Variants in ADGRL3 observed in about 807,000 individuals in gnomAD.
ADGRL3 encodes the protein adhesion G protein-coupled receptor L3.
Under a neutral mutation model 153.5 loss-of-function variants are expected in ADGRL3, and 62 were observed. That is an observed-to-expected ratio of 0.40 (90% CI 0.33 to 0.50). ADGRL3 has a LOEUF of 0.50. ADGRL3 is among the 20% of genes least tolerant of loss of function. ADGRL3 has a pLI of 0.47. For missense variants in ADGRL3, 1,641 were observed against 1,859.4 expected (o/e 0.88, Z 2.16); for synonymous variants, 710 against 672.5 (o/e 1.06, Z -0.86).
At chr4:61,519,944 C>T (rs372997168) in intron 4 of ADGRL3, among the ~76,000 whole-genome samples, 2 of 152,250 alleles carry the variant, frequency 1.3e-5, no homozygotes, top group East Asian at 1.9e-4. Context: ...AACCTCTGTT[C>T]GTTCTGTAGA....
chr4:61,656,621 G>GT (rs1481912043), intron 5 of ADGRL3, among the ~76,000 whole-genome samples: 1 of 152,022 alleles, frequency 6.6e-6, no homozygotes, highest in African/African-American at 2.4e-5. Flanking sequence ...ATTTTGTTTT[G>GT]TTTTTTACAA....
At chr4:61,773,963 G>A (rs1200832955) in intron 8 of ADGRL3, among the ~76,000 whole-genome samples, 3 of 152,206 alleles carry the variant, frequency 2.0e-5, no homozygotes, top group Non-Finnish European at 2.9e-5. Context: ...GAGAGCTACA[G>A]TAGTTCCCCC....
chr4:62,037,636 A>G (rs746707469), intron 23 of ADGRL3, 95 bp from the exon 24 acceptor site: 24 of 1,284,864 alleles, frequency 1.9e-5, no homozygotes, highest in Non-Finnish European at 2.6e-5. Flanking sequence ...GGAAATAATT[A>G]CATTATCTAA....
intron 1 of ADGRL3, among the ~76,000 whole-genome samples, chr4:61,356,050 A>G (rs1320849614): frequency 6.6e-6 from 1 of 152,066 alleles, no homozygotes; most frequent in Non-Finnish European, 1.5e-5. Flanking sequence ...TACACATAGA[A>G]TGCAGTATTT....
chr4:62,068,155 C>T lies in ADGRL3; in HGVS notation c.3815-11C>T. On this transcript the variant is annotated splice_polypyrimidine_tract_variant and intron_variant, in intron 25 of 26. Coordinates refer to ENST00000683033, the MANE Select transcript of ADGRL3 (RefSeq NM_001387552.1). ...TGTTTTTTCTTTCCTTTTCTTCATG[C>T]TGTCGTTTAGAGCCCTACAGAGAGA... The T allele has an allele frequency of 6.4e-7, 1 of 1,556,040 alleles. No individual in the cohort carries two copies. Among genetic ancestry groups the T allele is most frequent in the Non-Finnish European group, 8.6e-7 (1 of 1,159,376 alleles).
chr4:61,833,862 G>T (rs914559921), intron 9 of ADGRL3, among the ~76,000 whole-genome samples: 1 of 152,044 alleles, frequency 6.6e-6, no homozygotes. Flanking sequence ...CTATGCCCAG[G>T]AGTGAACAGG....
intron 4 of ADGRL3, among the ~76,000 whole-genome samples, chr4:61,533,840 A>G (rs1306882622): frequency 6.6e-6 from 1 of 152,198 alleles, no homozygotes; most frequent in Non-Finnish European, 1.5e-5. Context: ...AATAACAATG[A>G]CATCAATAAG....
intron 1 of ADGRL3, among the ~76,000 whole-genome samples, chr4:61,239,299 G>A (rs1754036600): frequency 6.6e-6 from 1 of 152,094 alleles, no homozygotes; most frequent in Non-Finnish European, 1.5e-5. Context: ...ATTTTATAGA[G>A]ATGCTAAATA....
At chr4:61,399,188 T>G (rs1416761119) in intron 2 of ADGRL3, among the ~76,000 whole-genome samples, 1 of 151,736 alleles carries the variant, frequency 6.6e-6, no homozygotes, top group Admixed American at 6.6e-5. Context: ...AAGTAAAAAT[T>G]TTTTATGTCA....
intron 5 of ADGRL3, among the ~76,000 whole-genome samples, chr4:61,607,808 G>A (rs2099038471): frequency 6.6e-6 from 1 of 152,130 alleles, no homozygotes; most frequent in Admixed American, 6.5e-5. Flanking sequence ...TTCAGCCCCT[G>A]AACAAGGAAG....
In ADGRL3 at chr4:61,924,154, A is replaced by C. The variant is rs556746905; in HGVS notation, c.2113-10686A>C. Among the ~76,000 whole-genome samples, 4 of 152,192 alleles carry C rather than the reference A, an allele frequency of 2.6e-5. No individual in the cohort carries two copies. The East Asian group carries it at 7.8e-4, about 30-fold the overall frequency. On this transcript the variant is annotated intron_variant, in intron 13 of 26. Transcript: ENST00000683033. ...TAAACCAATGGTCGGTAGTCAATGC[A>C]TACCTTACTTGATCAATTAGAAACA...
At chr4:61,831,906 C>T (rs185846765) in intron 9 of ADGRL3, among the ~76,000 whole-genome samples, 5 of 151,722 alleles carry the variant, frequency 3.3e-5, no homozygotes, top group African/African-American at 1.2e-4. Flanking sequence ...AGCAAGTCTC[C>T]GCTGGCTGGC....
At chr4:61,989,440 T>C (rs568517371) in intron 19 of ADGRL3, among the ~76,000 whole-genome samples, 29 of 152,176 alleles carry the variant, frequency 1.9e-4, no homozygotes, top group African/African-American at 7.0e-4. Context: ...TGAAGAAGTA[T>C]TTGTTATTGA....
At chr4:61,271,846 T>C (rs1193598599) in intron 1 of ADGRL3, among the ~76,000 whole-genome samples, 1 of 152,044 alleles carries the variant, frequency 6.6e-6, no homozygotes, top group African/African-American at 2.4e-5. Context: ...TAAATCTTCA[T>C]TCTCTTTATA....
At chr4:61,439,016 C>CTTG (rs2097493455) in intron 2 of ADGRL3, among the ~76,000 whole-genome samples, 1 of 151,964 alleles carries the variant, frequency 6.6e-6, no homozygotes, top group Non-Finnish European at 1.5e-5. Flanking sequence ...TAATATGTTA[C>CTTG]TTGTACTCAC....
At chr4:61,704,189 GA>G (rs893380443) in intron 6 of ADGRL3, among the ~76,000 whole-genome samples, 1 of 152,070 alleles carries the variant, frequency 6.6e-6, no homozygotes, top group African/African-American at 2.4e-5. Flanking sequence ...AAGATTGATT[GA>G]AAAAATGTAT....
chr4:61,705,096 G>A (rs749438144), intron 6 of ADGRL3, among the ~76,000 whole-genome samples: 4 of 152,124 alleles, frequency 2.6e-5, no homozygotes, highest in Non-Finnish European at 5.9e-5. Context: ...ACAAATGTTT[G>A]TAATAGCATC....
chr4:61,583,000 A>G (rs1346909236), intron 4 of ADGRL3, among the ~76,000 whole-genome samples: 1 of 152,048 alleles, frequency 6.6e-6, no homozygotes, highest in Non-Finnish European at 1.5e-5. Flanking sequence ...CTGATTATTA[A>G]CCATTTGCAG....
At chr4:61,272,984 T>C (rs2093276881) in intron 1 of ADGRL3, among the ~76,000 whole-genome samples, 1 of 152,080 alleles carries the variant, frequency 6.6e-6, no homozygotes, top group Non-Finnish European at 1.5e-5. Context: ...CTGTGTGACT[T>C]TGGGTAAGTT....
Sources: allele counts gnomAD v4.1 joint callset (sites outside exome capture counted in the v4.1 genomes callset), GRCh38; gene constraint gnomAD v4.1.1; transcripts MANE v1.5; gene names NCBI Gene and HGNC (gene_info 2026-07-23, HGNC 2026-07-21).